Variants in MCC observed in about 807,000 individuals in gnomAD.
MCC encodes the protein MCC regulator of Wnt signaling pathway, also known as colorectal mutant cancer protein.
Under a neutral mutation model 116.2 loss-of-function variants are expected in MCC, and 90 were observed. The observed-to-expected ratio is 0.77, with a 90% CI of 0.65 to 0.92. The LOEUF is 0.92. Ranked by LOEUF, MCC falls within the 40% of genes least tolerant of loss-of-function variation. MCC has a pLI of 0.00. For synonymous variants in MCC, 578 were observed against 510.5 expected (o/e 1.13, Z -1.78); for missense variants, 1,516 against 1,312.2 (o/e 1.16, Z -2.40).
At chr5:113,433,886 T>G (rs764482166) in intron 1 of MCC, 1 of 1,613,932 alleles carries the variant, frequency 6.2e-7, no homozygotes, top group East Asian at 2.2e-5. Context: ...CCTGGGGCTG[T>G]GCCTCTCCCT....
chr5:113,090,011 A>C (rs996499903), intron 8 of MCC, among the ~76,000 whole-genome samples: 1 of 152,236 alleles, frequency 6.6e-6, no homozygotes, highest in African/African-American at 2.4e-5. Context: ...CTTATCAGTC[A>C]ACAATTAGAG....
At chr5:113,085,128 T>A (rs746963304) in intron 9 of MCC, 36 bp downstream of exon 9, 38 of 1,613,048 alleles carry the variant, frequency 2.4e-5, no homozygotes, top group Non-Finnish European at 1.9e-5. Context: ...TAACAGGAGG[T>A]GTTCCCGCTC....
chr5:113,400,303 A>G (rs1022725646), intron 1 of MCC, among the ~76,000 whole-genome samples: 2 of 151,634 alleles, frequency 1.3e-5, no homozygotes, highest in African/African-American at 4.8e-5. Context: ...TTGTACTTTT[A>G]GTAGAGACAG....
At chr5:113,052,984 G>C (rs959810890) in intron 15 of MCC, among the ~76,000 whole-genome samples, 1 of 152,174 alleles carries the variant, frequency 6.6e-6, no homozygotes, top group Non-Finnish European at 1.5e-5. Context: ...ATCAGATATG[G>C]TCTTATTTAT....
intron 12 of MCC, 133 bp from the exon 13 acceptor site, chr5:113,068,316 C>T (rs1753769348): frequency 1.5e-6 from 1 of 651,450 alleles, no homozygotes; most frequent in African/African-American, 1.8e-5. Context: ...GGAAACCACC[C>T]ATGAATATTC....
intron 3 of MCC, among the ~76,000 whole-genome samples, chr5:113,193,237 C>G (rs1230452331): frequency 6.6e-6 from 1 of 151,986 alleles, no homozygotes; most frequent in East Asian, 1.9e-4. Context: ...TACACTGGGC[C>G]TACCTGGATA....
At chr5:113,436,663 T>C (rs1156904445) in intron 1 of MCC, 2 of 152,258 alleles carry the variant, frequency 1.3e-5, no homozygotes, top group Non-Finnish European at 2.9e-5. Context: ...TCCCCTTCCC[T>C]TTCTAGCTCT....
chr5:113,141,062 T>C (rs1029572168), intron 5 of MCC, among the ~76,000 whole-genome samples: 2 of 152,158 alleles, frequency 1.3e-5, no homozygotes, highest in Admixed American at 6.5e-5. Context: ...GTGGGCACCA[T>C]CCAACTGGCT....
chr5:113,049,000 G>C (rs529188629), intron 16 of MCC, 93 bp downstream of exon 16: 1 of 1,188,190 alleles, frequency 8.4e-7, no homozygotes, highest in East Asian at 2.4e-5. Context: ...CAAGAACTGA[G>C]GCAGCAGGGC....
intron 2 of MCC, among the ~76,000 whole-genome samples, chr5:113,380,010 C>T (rs1019127051): frequency 3.3e-5 from 5 of 152,268 alleles, no homozygotes; most frequent in South Asian, 2.1e-4. Context: ...ATATTTATAA[C>T]CATCTCTTTA....
intron 14 of MCC, among the ~76,000 whole-genome samples, chr5:113,058,275 G>C (rs1277674033): frequency 1.3e-5 from 2 of 152,196 alleles, no homozygotes; most frequent in African/African-American, 4.8e-5. Context: ...AGGAACTGAA[G>C]TGATACTATT....
At chr5:113,341,646 T>A (rs921137309) in intron 2 of MCC, among the ~76,000 whole-genome samples, 1 of 152,182 alleles carries the variant, frequency 6.6e-6, no homozygotes, top group African/African-American at 2.4e-5. Context: ...CAGTGTGTGA[T>A]TCTCCATGCC....
At chr5:113,202,029 G>C (rs1166491233) in intron 3 of MCC, among the ~76,000 whole-genome samples, 1 of 152,088 alleles carries the variant, frequency 6.6e-6, no homozygotes, top group Non-Finnish European at 1.5e-5. Flanking sequence ...GCACAACCCA[G>C]TCAACAGCAA....
chr5:113,286,864 G>A (rs1274681745), intron 3 of MCC, among the ~76,000 whole-genome samples: 2 of 152,112 alleles, frequency 1.3e-5, no homozygotes, highest in Non-Finnish European at 2.9e-5. Flanking sequence ...CCTTGAAAAG[G>A]TTTCCTCTTT....
intron 5 of MCC, among the ~76,000 whole-genome samples, chr5:113,130,703 C>T (rs1758374078): frequency 6.6e-6 from 1 of 152,014 alleles, no homozygotes; most frequent in Non-Finnish European, 1.5e-5. Context: ...GTTGAAAGAG[C>T]CTGGCACATC....
chr5:113,294,542 G>T, intron 3 of MCC: 1 of 1,427,350 alleles, frequency 7.0e-7, no homozygotes, highest in Non-Finnish European at 9.2e-7. Flanking sequence ...AACGGAGGAT[G>T]CAGGCACTCT....
At chr5:113,122,201 A>C (rs536066229) in intron 6 of MCC, among the ~76,000 whole-genome samples, 1 of 152,306 alleles carries the variant, frequency 6.6e-6, no homozygotes, top group South Asian at 2.1e-4. Flanking sequence ...ACTATTTCCC[A>C]ACTCACTTCT....
At chr5:113,186,944 T>C (rs1020649994) in intron 3 of MCC, among the ~76,000 whole-genome samples, 2 of 152,074 alleles carry the variant, frequency 1.3e-5, no homozygotes, top group African/African-American at 2.4e-5. Context: ...CTGCTAAACA[T>C]CCTACAATAA....
At chr5:113,346,032 A>C (rs1184751835) in intron 2 of MCC, among the ~76,000 whole-genome samples, 1 of 152,190 alleles carries the variant, frequency 6.6e-6, no homozygotes, top group Non-Finnish European at 1.5e-5. Flanking sequence ...GTTAACAAAG[A>C]GTCTGAAATA....
Sources: gnomAD v4.1 joint callset for allele counts (sites outside exome capture counted in the v4.1 genomes callset) on GRCh38, gnomAD v4.1.1 for gene constraint, MANE v1.5 for transcripts, NCBI Gene and HGNC (gene_info 2026-07-23, HGNC 2026-07-21) for gene names.